DPP10: variants seen among roughly 807,000 people sequenced by gnomAD.
DPP10 encodes the protein dipeptidyl peptidase like 10.
In DPP10, 33 loss-of-function variants were observed where a neutral mutation model predicts 120.9. That is an observed-to-expected ratio of 0.27 (90% CI 0.21 to 0.37). The LOEUF is 0.37. Among genes scored for constraint, DPP10 ranks in the 10% least tolerant of loss-of-function variants. The probability of loss-of-function intolerance (pLI) is 1.00; values close to 1 mark genes in which losing one functional copy is unlikely to be tolerated. For synonymous variants in DPP10, 337 were observed against 326.1 expected, an observed-to-expected ratio of 1.03 and a Z score of -0.36; for missense variants, 816 against 942.8, an observed-to-expected ratio of 0.87 and a Z score of 1.76.
Position 114,702,541 on chromosome 2 carries a change from G to A in DPP10, c.60+259703G>A, listed in dbSNP as rs1558652757. Reference sequence around the variant, plus strand: ...ATTTAAGATATTTAGCCTTGATCTTGAAAGATCACATGCTGCCCTGTTACC... The same window carrying A: ...ATTTAAGATATTTAGCCTTGATCTTAAAAGATCACATGCTGCCCTGTTACC... On this transcript the variant is annotated intron_variant, in intron 1 of 25. Coordinates refer to ENST00000410059, the MANE Select transcript of DPP10 (RefSeq NM_020868.6). 2.0e-5 allele frequency among the ~76,000 whole-genome samples: 3 copies of A among 152,082 alleles called. No homozygotes were observed. The South Asian group carries it at 6.2e-4, about 32-fold the overall frequency.
chr2:114,454,898 A>G (rs550925762), intron 1 of DPP10, among the ~76,000 whole-genome samples: 1 of 152,186 alleles, frequency 6.6e-6, no homozygotes, highest in East Asian at 1.9e-4. Flanking sequence ...GCAGCCTCTC[A>G]TTTGTCATTG....
intron 5 of DPP10, among the ~76,000 whole-genome samples, chr2:115,667,291 G>T (rs985102681): frequency 2.6e-5 from 4 of 151,980 alleles, no homozygotes; most frequent in Admixed American, 2.6e-4. Flanking sequence ...ACTTTCTCCA[G>T]TCTGTAGGTT....
chr2:114,910,543 A>T (rs2106635324), intron 1 of DPP10, among the ~76,000 whole-genome samples: 1 of 152,220 alleles, frequency 6.6e-6, no homozygotes, highest in East Asian at 1.9e-4. Flanking sequence ...TTTCTAATCT[A>T]ATAATATTTT....
At chr2:115,610,438 G>A (rs1365730776) in intron 5 of DPP10, among the ~76,000 whole-genome samples, 1 of 143,412 alleles carries the variant, frequency 7.0e-6, no homozygotes, top group East Asian at 2.1e-4. Flanking sequence ...TTACCATGGG[G>A]AACAGAGGAT....
chr2:114,874,590 T>C (rs1690992320), intron 1 of DPP10, among the ~76,000 whole-genome samples: 2 of 151,878 alleles, frequency 1.3e-5, no homozygotes, highest in South Asian at 4.2e-4. Context: ...TACATTATGG[T>C]GAGTTATATA....
chr2:114,685,423 A>G (rs906454481), intron 1 of DPP10, among the ~76,000 whole-genome samples: 3 of 152,010 alleles, frequency 2.0e-5, no homozygotes, highest in Admixed American at 6.6e-5. Context: ...ACTTTTGGTT[A>G]TAGAAAAACA....
At chr2:114,664,702 C>T (rs1248352490) in intron 1 of DPP10, among the ~76,000 whole-genome samples, 3 of 150,598 alleles carry the variant, frequency 2.0e-5, no homozygotes, top group Non-Finnish European at 4.4e-5. Flanking sequence ...CAGGCACAAT[C>T]GGGGATGGAG....
intron 1 of DPP10, among the ~76,000 whole-genome samples, chr2:114,505,566 C>A (rs980715561): frequency 6.6e-6 from 1 of 151,964 alleles, no homozygotes. Context: ...AATCAATATG[C>A]CCAAATAGCA....
intron 1 of DPP10, among the ~76,000 whole-genome samples, chr2:114,708,048 C>G (rs1700791959): frequency 6.6e-6 from 1 of 152,180 alleles, no homozygotes; most frequent in East Asian, 1.9e-4. Context: ...GGGGTCATAC[C>G]TCTACTACTT....
intron 1 of DPP10, chr2:115,064,592 A>G (rs1166615750): frequency 8.3e-7 from 1 of 1,205,580 alleles, no homozygotes; most frequent in Non-Finnish European, 1.1e-6. Flanking sequence ...TCGGTTGGAC[A>G]TAGGTGGGCA....
In DPP10 at chr2:115,099,060, G is replaced by A. The variant is rs192782800; in HGVS notation, c.61-210179G>A. Among the ~76,000 whole-genome samples, 322 of 151,158 alleles carry A rather than the reference G, an allele frequency of 2.1e-3. 2 individuals are homozygous for A. The highest frequency in any genetic ancestry group is 0.021 in the Middle Eastern group (6 of 292). On this transcript the variant is annotated intron_variant, in intron 1 of 25. Transcript: ENST00000410059. ...AGCACTTTGGGAGGCCAAGGCGGGC[G>A]GATCACTTGAGGTCAGGAGTTCAAA...
intron 1 of DPP10, among the ~76,000 whole-genome samples, chr2:114,826,915 G>T (rs1193452291): frequency 6.6e-6 from 1 of 152,186 alleles, no homozygotes; most frequent in Non-Finnish European, 1.5e-5. Context: ...TGATCTAATG[G>T]TAATGAACTG....
At chr2:114,555,488 G>A (rs1021951941) in intron 1 of DPP10, among the ~76,000 whole-genome samples, 1 of 152,088 alleles carries the variant, frequency 6.6e-6, no homozygotes, top group African/African-American at 2.4e-5. Context: ...TAACTGTATG[G>A]GTATTTGTGT....
intron 5 of DPP10, among the ~76,000 whole-genome samples, chr2:115,582,395 G>A (rs561601657): frequency 2.6e-5 from 4 of 152,094 alleles, no homozygotes; most frequent in African/African-American, 4.8e-5. Context: ...CAGCTCCTGC[G>A]ATCTCATCAG....
At chr2:115,195,882 C>T (rs2055226039) in intron 1 of DPP10, among the ~76,000 whole-genome samples, 1 of 152,140 alleles carries the variant, frequency 6.6e-6, no homozygotes, top group African/African-American at 2.4e-5. Context: ...CCCTGATGCA[C>T]CCATACACAG....
intron 7 of DPP10, among the ~76,000 whole-genome samples, chr2:115,700,931 A>T (rs1377918463): frequency 6.6e-6 from 1 of 152,154 alleles, no homozygotes; most frequent in Non-Finnish European, 1.5e-5. Context: ...ATGTCTGAAA[A>T]AAATTAAAGG....
intron 1 of DPP10, among the ~76,000 whole-genome samples, chr2:114,998,365 T>C (rs1701231261): frequency 1.3e-5 from 2 of 152,208 alleles, no homozygotes; most frequent in Admixed American, 6.5e-5. Flanking sequence ...TGCTTCAAAC[T>C]CTTAGATCAA....
chr2:115,144,289 T>C (rs1237683492), intron 1 of DPP10: 1 of 152,124 alleles, frequency 6.6e-6, no homozygotes, highest in East Asian at 1.9e-4. Flanking sequence ...CTTCCCTCTC[T>C]CTAGGATTGC....
chr2:114,663,255 T>TAG (rs1697577000), intron 1 of DPP10, among the ~76,000 whole-genome samples: 3 of 147,628 alleles, frequency 2.0e-5, no homozygotes, highest in Non-Finnish European at 1.5e-5. Context: ...TATATATATA[T>TAG]ATATCTATAT....
Sources: gnomAD v4.1 joint callset for allele counts (sites outside exome capture counted in the v4.1 genomes callset) on GRCh38, gnomAD v4.1.1 for gene constraint, MANE v1.5 for transcripts, NCBI Gene and HGNC (gene_info 2026-07-23, HGNC 2026-07-21) for gene names.